MAPRE2: variants seen among roughly 807,000 people sequenced by gnomAD.
MAPRE2 encodes the protein microtubule-associated protein RP/EB family member 2.
In MAPRE2, 13 loss-of-function variants were observed where a neutral mutation model predicts 43.2. The observed-to-expected ratio is 0.30, with a 90% CI of 0.20 to 0.48. The LOEUF (loss-of-function observed/expected upper bound fraction) is 0.48. Ranked by LOEUF, MAPRE2 falls within the 20% of genes least tolerant of loss-of-function variation. The pLI is 0.99. For missense variants in MAPRE2, 161 were observed against 400.2 expected (o/e 0.40, Z 5.10); for synonymous variants, 135 against 148.8 (o/e 0.91, Z 0.68).
At chr18:35,052,056 A>G (rs1166732031) in intron 1 of MAPRE2, among the ~76,000 whole-genome samples, 1 of 152,198 alleles carries the variant, frequency 6.6e-6, no homozygotes, top group East Asian at 1.9e-4. Flanking sequence ...AAATTATACT[A>G]CAGTCTTTTT....
chr18:35,053,329 G>T (rs1906048472), intron 1 of MAPRE2, among the ~76,000 whole-genome samples: 2 of 152,258 alleles, frequency 1.3e-5, no homozygotes, highest in South Asian at 4.1e-4. Context: ...AGGAGGTGAA[G>T]GTTGCAGTGA....
intron 4 of MAPRE2, among the ~76,000 whole-genome samples, chr18:35,122,787 G>A (rs892559649): frequency 1.2e-4 from 19 of 152,304 alleles, no homozygotes; most frequent in African/African-American, 4.3e-4. Flanking sequence ...AAGCCCTGGG[G>A]CCCTAGGCCA....
intron 2 of MAPRE2, among the ~76,000 whole-genome samples, chr18:35,023,942 T>C (rs1326290654): frequency 6.6e-6 from 1 of 152,222 alleles, no homozygotes; most frequent in Non-Finnish European, 1.5e-5. Flanking sequence ...TTGTCAAGTA[T>C]GTACCGTAAT....
chr18:35,125,750 C>T lies in MAPRE2; in HGVS notation c.611-1198C>T, dbSNP rs117218974. On this transcript the variant is annotated intron_variant, in intron 4 of 6. Transcript: ENST00000300249. The stretch of plus-strand genomic sequence containing the variant: ...CGCAGAGGCCATTCTTGTGTCTGCG[C>T]GTTGTTCTAGGTAGTGAGAGTCTAT... Among the ~76,000 whole-genome samples, 1,357 of 152,246 alleles carry T rather than the reference C, an allele frequency of 8.9e-3. 11 individuals are homozygous for T. The highest frequency in any genetic ancestry group is 0.033 in the South Asian group (159 of 4,822).
intron 2 of MAPRE2, among the ~76,000 whole-genome samples, chr18:35,031,363 C>G (rs2097047771): frequency 6.6e-6 from 1 of 152,176 alleles, no homozygotes; most frequent in South Asian, 2.1e-4. Context: ...ACTTTCTTTT[C>G]TATATTCCTA....
intron 2 of MAPRE2, among the ~76,000 whole-genome samples, chr18:35,018,800 AT>A (rs2097040111): frequency 6.6e-6 from 1 of 151,366 alleles, no homozygotes; most frequent in South Asian, 2.1e-4. Flanking sequence ...CTTTGTATGG[AT>A]TTTTGGGTCT....
chr18:34,979,400 C>T (rs892011008), intron 1 of MAPRE2, among the ~76,000 whole-genome samples: 5 of 152,140 alleles, frequency 3.3e-5, no homozygotes, highest in Non-Finnish European at 7.3e-5. Flanking sequence ...AGTTTGTTGA[C>T]ACGCACAAAC....
At chr18:35,038,528 C>T (rs1407906576), upstream of MAPRE2, among the ~76,000 whole-genome samples, 2 of 152,202 alleles carry the variant, frequency 1.3e-5, no homozygotes, top group African/African-American at 4.8e-5. Context: ...TGTCTCCCTT[C>T]TGGGATTTGA....
At chr18:35,009,530 C>T (rs1373543044) in intron 2 of MAPRE2, among the ~76,000 whole-genome samples, 1 of 152,200 alleles carries the variant, frequency 6.6e-6, no homozygotes, top group Non-Finnish European at 1.5e-5. Flanking sequence ...GCACAGCCTT[C>T]ATCATCAGTT....
At chr18:35,125,494 A>G (rs772651101) in intron 4 of MAPRE2, among the ~76,000 whole-genome samples, 8 of 152,248 alleles carry the variant, frequency 5.3e-5, no homozygotes, top group Non-Finnish European at 7.3e-5. Context: ...GGTTACAAAG[A>G]TGAGTAAGAT....
intron 2 of MAPRE2, among the ~76,000 whole-genome samples, chr18:35,083,063 A>T (rs1262705602): frequency 1.3e-5 from 2 of 152,178 alleles, no homozygotes; most frequent in African/African-American, 2.4e-5. Flanking sequence ...CATGCCACCT[A>T]CAGATGGGCA....
At chr18:35,033,845 T>C (rs1201753246) in intron 2 of MAPRE2, among the ~76,000 whole-genome samples, 1 of 145,360 alleles carries the variant, frequency 6.9e-6, no homozygotes, top group African/African-American at 2.5e-5. Flanking sequence ...TACAAACCAC[T>C]GCTCAAGGAA....
intron 1 of MAPRE2, among the ~76,000 whole-genome samples, chr18:35,045,072 A>G (rs1603393572): frequency 1.3e-5 from 2 of 152,362 alleles, no homozygotes; most frequent in South Asian, 2.1e-4. Context: ...TAGCAGACTC[A>G]TAGAGACATG....
In MAPRE2 at chr18:34,985,750, G is replaced by T. The variant is rs193257586; in HGVS notation, c.-70+8671G>T. ...TAATATATAAATATATATTATATAT[G>T]TAATATATAAAATATATTACATATT... On this transcript the variant is annotated intron_variant, in intron 1 of 7. Coordinates refer to the MAPRE2 transcript ENST00000413393. Among the ~76,000 whole-genome samples the T allele has an allele frequency of 9.2e-3, 1,137 of 123,614 alleles. 25 individuals carry two copies. The highest frequency in any genetic ancestry group is 0.033 in the African/African-American group (1,090 of 33,040). The allele number at this position is 123,614 out of a possible 152,430, so 81.1% of individuals were successfully genotyped here.
At chr18:35,081,575 G>T (rs998773818) in intron 2 of MAPRE2, among the ~76,000 whole-genome samples, 1 of 152,128 alleles carries the variant, frequency 6.6e-6, no homozygotes, top group African/African-American at 2.4e-5. Flanking sequence ...TGGTAATAGG[G>T]GATGTTATTG....
chr18:35,067,350 C>G (rs1906881292), intron 1 of MAPRE2, among the ~76,000 whole-genome samples: 1 of 152,178 alleles, frequency 6.6e-6, no homozygotes, highest in Admixed American at 6.5e-5. Flanking sequence ...ATGTTATCAG[C>G]AAAGACCTGG....
chr18:35,063,396 T>C (rs113958142), intron 1 of MAPRE2, among the ~76,000 whole-genome samples: 3,261 of 151,894 alleles, frequency 0.021, 118 homozygotes, highest in African/African-American at 0.073. Flanking sequence ...CGTGAGCCAC[T>C]GCGCCCGGCC....
chr18:34,986,606 T>C (rs115246830), intron 1 of MAPRE2, among the ~76,000 whole-genome samples: 2,178 of 152,240 alleles, frequency 0.014, 57 homozygotes, highest in African/African-American at 0.05. Flanking sequence ...TTCCACAAAT[T>C]AGCAGCAGTA....
chr18:35,031,718 A>G (rs963437816), intron 2 of MAPRE2, among the ~76,000 whole-genome samples: 2 of 152,206 alleles, frequency 1.3e-5, no homozygotes, highest in Non-Finnish European at 2.9e-5. Context: ...ACACCTTGCT[A>G]TTTTGCTAGC....
Sources: allele counts gnomAD v4.1 joint callset (sites outside exome capture counted in the v4.1 genomes callset), GRCh38; gene constraint gnomAD v4.1.1; transcripts MANE v1.5; gene names NCBI Gene and HGNC (gene_info 2026-07-23, HGNC 2026-07-21).